The following CNBD1 variants were observed in gnomAD, a reference collection of about 807,000 sequenced individuals.
CNBD1 encodes cyclic nucleotide binding domain containing 1.
A neutral mutation model predicts 54.4 loss-of-function variants in CNBD1; 71 were observed. The observed-to-expected ratio is 1.30, with a 90% CI of 1.08 to 1.59. The LOEUF (loss-of-function observed/expected upper bound fraction) is 1.59, where lower values mean the gene tolerates loss of function less well. Ranked by LOEUF, CNBD1 falls within the 40% of genes most tolerant of loss-of-function variation. The probability of loss-of-function intolerance (pLI) is 0.00; values close to 1 mark genes in which losing one functional copy is unlikely to be tolerated. For missense variants in CNBD1, 659 were observed against 518.0 expected, an observed-to-expected ratio of 1.27 and a Z score of -2.64; for synonymous variants, 182 against 170.7, an observed-to-expected ratio of 1.07 and a Z score of -0.51.
chr8:87,360,499 A>ATTG (rs1025663974), intron 10 of CNBD1, among the ~76,000 whole-genome samples: 11 of 151,820 alleles, frequency 7.2e-5, no homozygotes, highest in African/African-American at 2.4e-4. Context: ...GTTTATTATT[A>ATTG]TTTTTATAAA....
chr8:87,278,029 A>T (rs1187895627), intron 6 of CNBD1, among the ~76,000 whole-genome samples: 1 of 151,664 alleles, frequency 6.6e-6, no homozygotes, highest in South Asian at 2.1e-4. Context: ...ATAACTTAAA[A>T]ATGTAAAATG....
chr8:87,345,236 A>G (rs1449206862), intron 8 of CNBD1, among the ~76,000 whole-genome samples: 1 of 152,186 alleles, frequency 6.6e-6, no homozygotes, highest in African/African-American at 2.4e-5. Context: ...TTCCATGTGT[A>G]TTTAGATTCA....
intron 8 of CNBD1, among the ~76,000 whole-genome samples, chr8:87,338,921 C>G (rs1810008241): frequency 6.6e-6 from 1 of 151,982 alleles, no homozygotes; most frequent in African/African-American, 2.4e-5. Flanking sequence ...ATACTCAGAC[C>G]TCAGTGTTTT....
At chr8:87,405,517 T>G (rs1807637676) in intron 2 of CNBD1, among the ~76,000 whole-genome samples, 4 of 152,088 alleles carry the variant, frequency 2.6e-5, no homozygotes, top group Admixed American at 2.0e-4. Context: ...AGCATATACT[T>G]AGCAATAATT....
chr8:87,040,991 T>C (rs1810054965), intron 4 of CNBD1, among the ~76,000 whole-genome samples: 1 of 152,044 alleles, frequency 6.6e-6, no homozygotes, highest in Non-Finnish European at 1.5e-5. Flanking sequence ...AACTTGTTTT[T>C]AAAATACTTA....
At chr8:87,312,467 A>T (rs989495930) in intron 8 of CNBD1, among the ~76,000 whole-genome samples, 1 of 152,058 alleles carries the variant, frequency 6.6e-6, no homozygotes, top group South Asian at 2.1e-4. Context: ...GCTATGAATT[A>T]ATGACAAAAA....
intron 4 of CNBD1, among the ~76,000 whole-genome samples, chr8:87,131,031 A>G (rs1218191765): frequency 6.6e-6 from 1 of 152,026 alleles, no homozygotes; most frequent in East Asian, 1.9e-4. Context: ...CGGTTTACAT[A>G]ATATGTATCT....
intron 4 of CNBD1, among the ~76,000 whole-genome samples, chr8:87,157,376 A>G (rs190115760): frequency 4.0e-4 from 61 of 152,316 alleles, no homozygotes; most frequent in Admixed American, 1.1e-3. Context: ...CTTAACATCA[A>G]TGGCAGAGTT....
chr8:87,414,633 A>G (rs866750772), intron 2 of CNBD1, among the ~76,000 whole-genome samples: 5 of 152,124 alleles, frequency 3.3e-5, no homozygotes, highest in South Asian at 4.1e-4. Context: ...TGTAACATAT[A>G]ATAACAATAT....
chr8:87,305,906 G>A (rs758985868), intron 8 of CNBD1, among the ~76,000 whole-genome samples: 7 of 152,158 alleles, frequency 4.6e-5, no homozygotes, highest in South Asian at 2.1e-4. Flanking sequence ...TAAATAGCTC[G>A]GACCTAATTA....
chr8:86,946,072 T>C (rs1482473236), intron 4 of CNBD1, among the ~76,000 whole-genome samples: 1 of 152,184 alleles, frequency 6.6e-6, no homozygotes, highest in Non-Finnish European at 1.5e-5. Context: ...ACTTCGTCCA[T>C]TTTAGGCCCT....
intron 6 of CNBD1, among the ~76,000 whole-genome samples, chr8:87,267,984 C>T (rs1007233150): frequency 3.9e-5 from 6 of 151,994 alleles, no homozygotes; most frequent in African/African-American, 7.2e-5. Context: ...TAGGGTCTGG[C>T]GATACACATG....
intron 4 of CNBD1, among the ~76,000 whole-genome samples, chr8:87,085,006 TTG>T (rs1811069836): frequency 6.6e-6 from 1 of 152,200 alleles, no homozygotes; most frequent in African/African-American, 2.4e-5. Context: ...AATACTTATG[TTG>T]TGTTTTTTTC....
At chr8:86,908,797 T>G (rs1563818121) in intron 3 of CNBD1, among the ~76,000 whole-genome samples, 2 of 5,426 alleles carry the variant, frequency 3.7e-4, no homozygotes, top group Non-Finnish European at 2.9e-4. Flanking sequence ...TTTTTTTTTT[T>G]TTTTGTGCTG....
intron 2 of CNBD1, among the ~76,000 whole-genome samples, chr8:87,410,648 G>T (rs184680083): frequency 8.5e-4 from 129 of 152,272 alleles, no homozygotes; most frequent in Non-Finnish European, 1.2e-3. Context: ...AGGATTGACT[G>T]ACAGGATTTG....
At chr8:87,002,233 T>C (rs148377212) in intron 4 of CNBD1, among the ~76,000 whole-genome samples, 97 of 152,266 alleles carry the variant, frequency 6.4e-4, no homozygotes, top group Non-Finnish European at 1.2e-3. Context: ...GACAAAAATT[T>C]GGGCAGGGTC....
At chr8:87,396,124 G>C (rs913462838) in intron 2 of CNBD1, among the ~76,000 whole-genome samples, 1 of 151,860 alleles carries the variant, frequency 6.6e-6, no homozygotes, top group Non-Finnish European at 1.5e-5. Flanking sequence ...TCTAATGAAT[G>C]ACTATGTATA....
chr8:86,942,317 G>T (rs1035575583), intron 4 of CNBD1, among the ~76,000 whole-genome samples: 2 of 152,060 alleles, frequency 1.3e-5, no homozygotes, highest in African/African-American at 4.8e-5. Flanking sequence ...CATAAACTTA[G>T]TGGCTTACAA....
intron 8 of CNBD1, among the ~76,000 whole-genome samples, chr8:87,311,931 A>G (rs1310785080): frequency 2.6e-5 from 4 of 152,046 alleles, no homozygotes; most frequent in Admixed American, 1.3e-4. Flanking sequence ...ACTGTAGACA[A>G]TGGGGACTAC....
Sources: gnomAD v4.1 joint callset for allele counts (sites outside exome capture counted in the v4.1 genomes callset) on GRCh38, gnomAD v4.1.1 for gene constraint, MANE v1.5 for transcripts, NCBI Gene and HGNC (gene_info 2026-07-23, HGNC 2026-07-21) for gene names.